The following ZNF653 variants were observed in gnomAD, a reference collection of about 807,000 sequenced individuals.
ZNF653 encodes the protein zinc finger protein 653, also known as 67 kDa zinc finger protein.
ZNF653 carries 37 observed loss-of-function variants against 59.9 expected under a neutral mutation model. That is an observed-to-expected ratio of 0.62 (90% CI 0.48 to 0.81). The LOEUF is 0.81. ZNF653 is among the 40% of genes least tolerant of loss of function. The pLI is 0.00. For missense variants in ZNF653, 808 were observed against 881.1 expected (o/e 0.92, Z 1.05); for synonymous variants, 435 against 371.8 (o/e 1.17, Z -1.96).
intron 1 of ZNF653, 113 bp from the exon 2 acceptor site, chr19:11,498,452 T>C: frequency 7.1e-7 from 1 of 1,403,764 alleles, no homozygotes; most frequent in Non-Finnish European, 1.0e-6. Context: ...AAACTAAATC[T>C]GAACTTTTTG....
At chr19:11,505,270 G>C (rs896027863) in intron 1 of ZNF653, 2 of 481,692 alleles carry the variant, frequency 4.2e-6, no homozygotes, top group African/African-American at 4.1e-5. Flanking sequence ...TCGAGGGGCT[G>C]GGTGCACCCT....
In ZNF653 at chr19:11,484,046, G is replaced by A. The variant is rs150296357; in HGVS notation, c.1666C>T (p.Leu556=). The change falls in exon 8 of 9, where the codon CTG becomes TTG. Residue 556 remains leucine (L), a synonymous_variant. Coordinates refer to ENST00000293771, the MANE Select transcript of ZNF653 (RefSeq NM_138783.4). ...ACGGGGCGGCCTGTCACTCACTGCA[G>A]GGGGGTCTCGCCGGTGTGGGTGCGC... ...HRRTHTGETP[L]QCEICGYQCR... is the part of the protein sequence containing the mutation. 48 of 1,555,310 alleles carry A rather than the reference G, an allele frequency of 3.1e-5. No individual in the cohort carries two copies. The highest frequency in any genetic ancestry group is 4.2e-5 in the Non-Finnish European group (48 of 1,149,404).
In ZNF653 at chr19:11,505,539, A is replaced by G; in HGVS notation, c.248T>C (p.Leu83Pro). The G allele has an allele frequency of 6.6e-7, 1 of 1,513,546 alleles. No homozygotes were observed. The highest frequency in any genetic ancestry group is 8.8e-7 in the Non-Finnish European group (1 of 1,142,778). The allele number at this position is 1,513,546 out of a possible 1,614,324, so 93.8% of individuals were successfully genotyped here. A position where few individuals can be genotyped will look rare whatever the true frequency, so the allele number is the denominator to read the frequency against. The change falls in exon 1 of 9, where the codon CTC becomes CCC. Residue 83 changes from leucine (L) to proline (P), a missense_variant. Transcript: ENST00000293771. ...RRRSGWSDAKLAAYLISLERG... is the reference protein window; with the variant it reads ...RRRSGWSDAKPAAYLISLERG... ...CTCCAGAGAGATGAGGTAGGCGGCG[A>G]GCTTGGCGTCGCTCCAGCCGCTGCG...
chr19:11,494,013 T>C (rs1971555673), intron 3 of ZNF653, among the ~76,000 whole-genome samples: 1 of 149,778 alleles, frequency 6.7e-6, no homozygotes, highest in African/African-American at 2.5e-5. Context: ...TGAGACCCTG[T>C]CTTAAAAAAA....
intron 3 of ZNF653, among the ~76,000 whole-genome samples, chr19:11,493,010 G>A (rs1245998157): frequency 6.6e-6 from 1 of 151,700 alleles, no homozygotes; most frequent in Non-Finnish European, 1.5e-5. Flanking sequence ...GCCTCCCAAA[G>A]TGCTGGGCTG....
intron 2 of ZNF653, 84 bp downstream of exon 2, chr19:11,498,212 C>A: frequency 6.3e-7 from 1 of 1,591,550 alleles, no homozygotes; most frequent in East Asian, 2.2e-5. Context: ...CCTAGGGCAG[C>A]GACCTGGCCT....
intron 1 of ZNF653, 166 bp downstream of exon 1, chr19:11,505,322 C>G: frequency 6.0e-6 from 4 of 667,608 alleles, no homozygotes; most frequent in Non-Finnish European, 9.1e-6. Context: ...GGCCACGAGC[C>G]AGGCGCGTCC....
intron 6 of ZNF653, 122 bp downstream of exon 6, chr19:11,486,647 G>A: frequency 2.5e-6 from 2 of 795,654 alleles, no homozygotes; most frequent in East Asian, 5.4e-5. Context: ...ACAAGTCCCT[G>A]TCTTTGCCTT....
chr19:11,496,475 C>G (rs990137849), intron 2 of ZNF653, among the ~76,000 whole-genome samples: 1 of 152,160 alleles, frequency 6.6e-6, no homozygotes. Flanking sequence ...CCAGCGCAGT[C>G]CTCAGGCCCA....
chr19:11,495,838 G>A lies in ZNF653; in HGVS notation c.559+112C>T. ...GTCCCTGCTCTGCCCCAGTGCCAGA[G>A]CCAGAGCCAGAGCCACTGTGGCTGC... On this transcript the variant is annotated intron_variant, in intron 3 of 8. Coordinates refer to ENST00000293771, the MANE Select transcript of ZNF653 (RefSeq NM_138783.4). The surrounding 1 kb of genome is among the most constrained non-coding windows in gnomAD (Gnocchi z 4.9). 1 of 1,160,712 alleles carries A rather than the reference G, an allele frequency of 8.6e-7. No individual in the cohort carries two copies. Among genetic ancestry groups the A allele is most frequent in the Admixed American group, 2.2e-5 (1 of 46,356 alleles). 71.9% of individuals were successfully genotyped at this position (1,160,712 alleles called of 1,614,324 possible). A position where few individuals can be genotyped will look rare whatever the true frequency, so the allele number is the denominator to read the frequency against.
In ZNF653 at chr19:11,487,888, A is replaced by C. The variant is rs1971487582; in HGVS notation, c.575T>G (p.Val192Gly). The C allele has an allele frequency of 6.3e-7, 1 of 1,593,942 alleles. No homozygotes were observed. The highest frequency in any genetic ancestry group is 8.6e-7 in the Non-Finnish European group (1 of 1,167,620). Reference protein sequence around the residue: ...PDSDKVGNGLVAGSSDSSSSG... With the variant: ...PDSDKVGNGLGAGSSDSSSSG... ...GCTGGATGAGTCAGAGCTGCCAGCC[A>C]CCAGCCCATTGCCCACTGTGGGGAC... Residue 192 changes from valine to glycine, a missense_variant, in exon 4 of 9, where the codon GTG becomes GGG. Val to Gly is a moderately radical substitution (Grantham distance 109). Transcript: ENST00000293771. The surrounding 1 kb of genome is among the most constrained non-coding windows in gnomAD (Gnocchi z 5.1).
At chr19:11,486,949 T>C in intron 5 of ZNF653, 38 bp downstream of exon 5, 2 of 1,612,030 alleles carry the variant, frequency 1.2e-6, no homozygotes, top group Non-Finnish European at 1.7e-6. Flanking sequence ...GGGCCGCTTC[T>C]AGCCCTCGCC....
intron 5 of ZNF653, 23 bp from the exon 6 acceptor site, chr19:11,486,903 A>G (rs1194286427): frequency 5.0e-6 from 8 of 1,611,138 alleles, no homozygotes; most frequent in Non-Finnish European, 6.8e-6. Flanking sequence ...GGGCCATGAC[A>G]TCGGGGCTCC....
rs1351116376 is a variant in ZNF653 at position 11,484,166 on chromosome 19, G to A, written c.1571-25C>T. ...CCTGGGGGCGGTGGGGACCGAGGCT[G>A]AGGACGGTGGGCTATGGGGTGTCTC... On this transcript the variant is annotated intron_variant, in intron 7 of 8. Coordinates refer to ENST00000293771, the MANE Select transcript of ZNF653 (RefSeq NM_138783.4). 2.6e-6 allele frequency: 4 copies of A among 1,529,398 alleles called. No individual in the cohort carries two copies. The East Asian group carries it at 7.3e-5, about 28-fold the overall frequency. 94.7% of individuals were successfully genotyped at this position (1,529,398 alleles called of 1,614,324 possible).
rs757137016 is a variant in ZNF653 at position 11,485,751 on chromosome 19, T to C, written c.1475A>G (p.His492Arg). 6 of 1,613,680 alleles carry C rather than the reference T, an allele frequency of 3.7e-6. No individual in the cohort carries two copies. Among genetic ancestry groups the C allele is most frequent in the Non-Finnish European group, 1.7e-6 (2 of 1,179,838 alleles). ...SSFQNHVNLV[H>R]RKGKTKVCPH... ...GCACACTTTGGTCTTTCCTTTCCGA[T>C]GCACAAGATTGACGTGGTTCTGGAG... Residue 492 changes from histidine to arginine, a missense_variant, in exon 7 of 9, where the codon CAT becomes CGT. Coordinates refer to ENST00000293771, the MANE Select transcript of ZNF653 (RefSeq NM_138783.4).
At position 11,487,284 on chromosome 19, in the gene ZNF653, C is replaced by G. The variant is rs769018183; in HGVS notation, c.1171+8G>C. 6.2e-7 allele frequency: 1 copy of G among 1,609,188 alleles called. No individual in the cohort carries two copies. Among genetic ancestry groups the G allele is most frequent in the Non-Finnish European group, 8.5e-7 (1 of 1,176,956 alleles). On this transcript the variant is annotated splice_region_variant and intron_variant, in intron 4 of 8. Coordinates refer to ENST00000293771, the MANE Select transcript of ZNF653 (RefSeq NM_138783.4). The surrounding 1 kb of genome is among the most constrained non-coding windows in gnomAD (Gnocchi z 5.1). ...CCCTGGCCAGAGGCCACGACAGGTC[C>G]CCCAGACCTTTCTTGGTCTCGATGC...
In ZNF653 at chr19:11,487,795, G is replaced by A. The variant is rs760253658; in HGVS notation, c.668C>T (p.Ala223Val). The change falls in exon 4 of 9, where the codon GCG becomes GTG. Residue 223 changes from alanine to valine, a missense_variant. Physicochemically the swap from Ala to Val is moderately conservative, Grantham distance 64 (BLOSUM62 0). Transcript: ENST00000293771. This position sits in a 1 kb window ranked among gnomAD's most constrained non-coding sequence, Gnocchi z 5.1. ...CACCGGGCTGGTGGGCGTCGCTGCC[G>A]CTGCCGCTGCCGCAGCCTTGACCGG... ...GQPVKAAAAA[A>V]AATPTSPVGS... The A allele has an allele frequency of 1.4e-5, 22 of 1,611,408 alleles. No homozygotes were observed. Among genetic ancestry groups the A allele is most frequent in the South Asian group, 5.5e-5 (5 of 90,968 alleles).
At chr19:11,485,863 G>T in intron 6 of ZNF653, 93 bp from the exon 7 acceptor site, 3 of 979,114 alleles carry the variant, frequency 3.1e-6, no homozygotes, top group Non-Finnish European at 4.9e-6. Flanking sequence ...AGGCAGGCTG[G>T]GGCTGGCCTC....
chr19:11,491,749 G>C (rs1971532253), intron 3 of ZNF653, among the ~76,000 whole-genome samples: 1 of 151,964 alleles, frequency 6.6e-6, no homozygotes, highest in African/African-American at 2.4e-5. Flanking sequence ...ACCACGCCCA[G>C]CTAATTTTTA....
Sources: gnomAD v4.1 joint callset for allele counts (sites outside exome capture counted in the v4.1 genomes callset) on GRCh38, gnomAD v4.1.1 for gene constraint, Gnocchi (gnomAD v3.1) non-coding constraint, MANE v1.5 for transcripts, NCBI Gene and HGNC (gene_info 2026-07-23, HGNC 2026-07-21) for gene names.